The following LVRN variants were observed in gnomAD, a reference collection of about 807,000 sequenced individuals.
The protein encoded by LVRN is laeverin, also known as aminopeptidase Q.
A neutral mutation model predicts 111.4 loss-of-function variants in LVRN; 99 were observed. The observed-to-expected ratio is 0.89, with a 90% CI of 0.76 to 1.05. The LOEUF is 1.05. LVRN is among the 50% of genes least tolerant of loss of function. The pLI, the probability that LVRN is intolerant of heterozygous loss-of-function variation, is 0.00. For synonymous variants in LVRN, 488 were observed against 449.5 expected (o/e 1.09, Z -1.08); for missense variants, 1,414 against 1,206.8 (o/e 1.17, Z -2.54).
At chr5:115,972,895 A>G (rs746818312) in intron 1 of LVRN, among the ~76,000 whole-genome samples, 1 of 151,902 alleles carries the variant, frequency 6.6e-6, no homozygotes, top group Non-Finnish European at 1.5e-5. Flanking sequence ...TAATATGGTA[A>G]ATTACATTGA....
chr5:116,023,823 G>C (rs1234576038), intron 19 of LVRN, among the ~76,000 whole-genome samples: 2 of 152,136 alleles, frequency 1.3e-5, no homozygotes, highest in Admixed American at 1.3e-4. Context: ...TATCCTACTG[G>C]GAGGAATGTA....
chr5:116,010,493 A>G (rs1295825955), intron 13 of LVRN: 5 of 548,342 alleles, frequency 9.1e-6, no homozygotes, highest in Non-Finnish European at 1.7e-5. Context: ...TCAGTCCAAC[A>G]TTTGGCCTGA....
At chr5:115,984,751 C>T (rs1335796519) in intron 3 of LVRN, 42 bp downstream of exon 3, 2 of 1,607,746 alleles carry the variant, frequency 1.2e-6, no homozygotes, top group Admixed American at 1.7e-5. Flanking sequence ...ATTGTACTGG[C>T]TGCAGATTAT....
chr5:115,981,465 G>A (rs532261210), intron 1 of LVRN, among the ~76,000 whole-genome samples: 3 of 152,128 alleles, frequency 2.0e-5, no homozygotes, highest in African/African-American at 7.2e-5. Flanking sequence ...GGGTATAATA[G>A]TAGGTGTATA....
chr5:115,963,852 C>T (rs918342773), intron 1 of LVRN, among the ~76,000 whole-genome samples: 1 of 152,166 alleles, frequency 6.6e-6, no homozygotes, highest in Admixed American at 6.5e-5. Context: ...TCTATTGCTG[C>T]CCCTTTTTAG....
At chr5:115,974,211 C>A (rs1753387069) in intron 1 of LVRN, among the ~76,000 whole-genome samples, 1 of 151,936 alleles carries the variant, frequency 6.6e-6, no homozygotes, top group South Asian at 2.1e-4. Context: ...GAATGCATTC[C>A]TAGAAGAGAA....
At chr5:116,009,654 A>G (rs1357761581) in intron 13 of LVRN, among the ~76,000 whole-genome samples, 1 of 152,198 alleles carries the variant, frequency 6.6e-6, no homozygotes, top group Non-Finnish European at 1.5e-5. Context: ...TTAAGATTTC[A>G]GTAGAGGAAG....
At chr5:116,016,367 C>G (rs897498225) in intron 18 of LVRN, among the ~76,000 whole-genome samples, 3 of 152,152 alleles carry the variant, frequency 2.0e-5, no homozygotes, top group Non-Finnish European at 2.9e-5. Context: ...ATGTATGTCA[C>G]TAGTCCTCAT....
At chr5:116,003,038 T>C (rs938980375) in intron 11 of LVRN, 127 bp downstream of exon 11, 5 of 942,826 alleles carry the variant, frequency 5.3e-6, no homozygotes, top group South Asian at 1.8e-5. Context: ...TTGTAGAGCA[T>C]AGAGTTTTAA....
rs776368407 is a variant in LVRN at position 115,993,805 on chromosome 5, C to A, written c.1325C>A (p.Ser442Tyr). Residue 442 changes from serine to tyrosine, a missense_variant, in exon 6 of 20, where the codon TCT (serine) becomes TAT (tyrosine). Coordinates refer to ENST00000357872, the MANE Select transcript of LVRN (RefSeq NM_173800.5). ...NNIWLNEGFA[S>Y]YFEFEVINYF... ...ATCTGGCTCAACGAGGGTTTTGCATCTTATTTTGAGTTTGAAGTAATTAAC... is the reference window on the plus strand; with the variant it reads ...ATCTGGCTCAACGAGGGTTTTGCATATTATTTTGAGTTTGAAGTAATTAAC... 1 of 1,610,244 alleles carries A rather than the reference C, an allele frequency of 6.2e-7. No homozygotes were observed. The highest frequency in any genetic ancestry group is 1.1e-5 in the South Asian group (1 of 89,828).
intron 6 of LVRN, 81 bp from the exon 7 acceptor site, chr5:115,999,681 T>C: frequency 6.8e-7 from 1 of 1,473,366 alleles, no homozygotes; most frequent in Non-Finnish European, 9.3e-7. Flanking sequence ...ATATCAGTTT[T>C]TGAAAGTATT....
At chr5:116,025,893 C>G in intron 19 of LVRN, 85 bp from the exon 20 acceptor site, 1 of 1,540,914 alleles carries the variant, frequency 6.5e-7, no homozygotes, top group Non-Finnish European at 8.8e-7. Flanking sequence ...TTTACAAACT[C>G]ATGTTGCTAC....
At position 115,986,383 on chromosome 5, in the gene LVRN, G is replaced by T. The variant is rs371077092; in HGVS notation, c.979-1430G>T. ...TCCATTATCTCAAGTGCCTTGCTGT[G>T]GTCAGTGCTGCTGCACAGTCAACCA... On this transcript the variant is annotated intron_variant, in intron 3 of 19. Transcript: ENST00000357872. Among the ~76,000 whole-genome samples, 153 of 152,254 alleles carry T rather than the reference G, an allele frequency of 1.0e-3. 2 individuals carry two copies. The highest frequency in any genetic ancestry group is 3.4e-3 in the Middle Eastern group (1 of 294).
intron 6 of LVRN, 120 bp from the exon 7 acceptor site, chr5:115,999,642 T>C: frequency 9.3e-7 from 1 of 1,075,666 alleles, no homozygotes; most frequent in South Asian, 1.5e-5. Flanking sequence ...CAAAGACACT[T>C]CTCAATTACT....
Position 116,016,763 on chromosome 5 carries a change from T to A in LVRN, c.2756+998T>A, listed in dbSNP as rs530743963. Among the ~76,000 whole-genome samples, 4 of 152,310 alleles carry A rather than the reference T, an allele frequency of 2.6e-5. No homozygotes were observed. The South Asian group carries it at 6.2e-4, about 24-fold the overall frequency. ...CAAACTCCAGCTTGGGATATGCTGA[T>A]GTAAACAAAACGTCATTTTGCCAGT... On this transcript the variant is annotated intron_variant, in intron 18 of 19. Transcript: ENST00000357872.
intron 6 of LVRN, among the ~76,000 whole-genome samples, chr5:115,999,441 C>T (rs1748190632): frequency 6.6e-6 from 1 of 152,114 alleles, no homozygotes; most frequent in Non-Finnish European, 1.5e-5. Flanking sequence ...ATAATTAAAA[C>T]CACCTTAAGG....
intron 1 of LVRN, among the ~76,000 whole-genome samples, chr5:115,970,918 G>A (rs1753311710): frequency 6.6e-6 from 1 of 152,236 alleles, no homozygotes; most frequent in Non-Finnish European, 1.5e-5. Flanking sequence ...TGAATATTTA[G>A]TTTTTTAAGA....
intron 3 of LVRN, among the ~76,000 whole-genome samples, chr5:115,985,445 G>A (rs913731325): frequency 2.0e-5 from 3 of 152,126 alleles, no homozygotes; most frequent in Non-Finnish European, 4.4e-5. Context: ...GAAGGAATTT[G>A]TAGTTGGCCA....
intron 13 of LVRN, among the ~76,000 whole-genome samples, chr5:116,006,339 G>A (rs1398597404): frequency 6.6e-6 from 1 of 151,650 alleles, no homozygotes; most frequent in South Asian, 2.1e-4. Flanking sequence ...TAAATTTTCA[G>A]GCAATAAAAT....
Sources: gnomAD v4.1 joint callset for allele counts (sites outside exome capture counted in the v4.1 genomes callset) on GRCh38, gnomAD v4.1.1 for gene constraint, MANE v1.5 for transcripts, NCBI Gene and HGNC (gene_info 2026-07-23, HGNC 2026-07-21) for gene names.